FARP1: variants seen among roughly 807,000 people sequenced by gnomAD.
The protein encoded by FARP1 is FERM, ARH/RhoGEF and pleckstrin domain protein 1.
In FARP1, 52 loss-of-function variants were observed where a neutral mutation model predicts 128.8. The ratio of observed to expected loss-of-function variants is 0.40; its 90% CI spans 0.32 to 0.51. FARP1 has a LOEUF of 0.51. Among genes scored for constraint, FARP1 ranks in the 20% least tolerant of loss-of-function variants. FARP1 has a pLI of 0.45. For missense variants in FARP1, 1,333 were observed against 1,367.9 expected, an observed-to-expected ratio of 0.97 and a Z score of 0.40; for synonymous variants, 580 against 551.8, an observed-to-expected ratio of 1.05 and a Z score of -0.72.
intron 2 of FARP1, among the ~76,000 whole-genome samples, chr13:98,277,857 T>C (rs1199344853): frequency 6.6e-6 from 1 of 152,216 alleles, no homozygotes; most frequent in Non-Finnish European, 1.5e-5. Context: ...AAATTCTGAT[T>C]CAATTGGTTG....
rs1479805705 is a variant in FARP1 at position 98,454,733 on chromosome 13, G to A, written c.*6416G>A. 6.6e-6 allele frequency: 1 copy of A among 152,232 alleles called. No individual in the cohort carries two copies. Among genetic ancestry groups the A allele is most frequent in the Non-Finnish European group, 1.5e-5 (1 of 68,066 alleles). 9.4% of individuals were successfully genotyped at this position (152,232 alleles called of 1,614,324 possible). A position where few individuals can be genotyped will look rare whatever the true frequency, so the allele number is the denominator to read the frequency against. ...GGAAGTCTAAGCCATGGCCACCGTG[G>A]TTTTGGCAGCCATCGGGGTGAACGC... On this transcript the variant is annotated 3_prime_UTR_variant, in exon 27 of 27. Transcript: ENST00000319562.
At chr13:98,342,649 G>C (rs151241469) in intron 2 of FARP1, among the ~76,000 whole-genome samples, 1 of 152,246 alleles carries the variant, frequency 6.6e-6, no homozygotes, top group Non-Finnish European at 1.5e-5. Flanking sequence ...GCAGTGAGCT[G>C]AGATCGCGCC....
intron 2 of FARP1, among the ~76,000 whole-genome samples, chr13:98,335,389 C>G (rs1887697264): frequency 6.6e-6 from 1 of 152,152 alleles, no homozygotes; most frequent in Non-Finnish European, 1.5e-5. Flanking sequence ...AGAGCTTGTG[C>G]AGAAAAACTT....
chr13:98,403,280 A>G (rs1890847103), intron 13 of FARP1: 2 of 152,366 alleles, frequency 1.3e-5, no homozygotes, highest in African/African-American at 2.4e-5. Flanking sequence ...CAAGGCTTGC[A>G]CTTTATACTT....
intron 2 of FARP1, among the ~76,000 whole-genome samples, chr13:98,229,565 G>A (rs574542654): frequency 7.9e-5 from 12 of 151,482 alleles, no homozygotes; most frequent in Admixed American, 1.3e-4. Context: ...CAGTGGTGCC[G>A]TCATGGCTCA....
chr13:98,334,594 T>C (rs1887662151), intron 2 of FARP1, among the ~76,000 whole-genome samples: 1 of 152,228 alleles, frequency 6.6e-6, no homozygotes, highest in African/African-American at 2.4e-5. Flanking sequence ...AGCCCTTTCA[T>C]GACTCATGTG....
intron 8 of FARP1, among the ~76,000 whole-genome samples, chr13:98,388,116 T>C (rs1366895339): frequency 6.6e-6 from 1 of 152,204 alleles, no homozygotes; most frequent in Non-Finnish European, 1.5e-5. Flanking sequence ...CTATTTATCT[T>C]TCTTTTCATC....
chr13:98,275,865 A>C (rs1884631707), intron 2 of FARP1, among the ~76,000 whole-genome samples: 1 of 152,214 alleles, frequency 6.6e-6, no homozygotes, highest in African/African-American at 2.4e-5. Flanking sequence ...GAGAATCATA[A>C]AATATTCTTT....
At chr13:98,153,297 A>AATATATAAAT (rs375607675) in intron 1 of FARP1, among the ~76,000 whole-genome samples, 1 of 115,000 alleles carries the variant, frequency 8.7e-6, no homozygotes, top group Non-Finnish European at 1.8e-5. Context: ...AATATATATA[A>AATATATAAAT]ATATATTTAT....
intron 24 of FARP1, among the ~76,000 whole-genome samples, chr13:98,443,486 A>C (rs1658453773): frequency 6.6e-6 from 1 of 152,172 alleles, no homozygotes; most frequent in Non-Finnish European, 1.5e-5. Context: ...TCCCTGCATG[A>C]CAGGACAAAG....
chr13:98,216,416 C>A (rs549399415), intron 2 of FARP1, among the ~76,000 whole-genome samples: 1 of 152,160 alleles, frequency 6.6e-6, no homozygotes, highest in African/African-American at 2.4e-5. Flanking sequence ...ACCCTGGAAA[C>A]GTCCTTTGAT....
intron 2 of FARP1, among the ~76,000 whole-genome samples, chr13:98,319,997 G>A (rs1409260776): frequency 6.6e-6 from 1 of 152,150 alleles, no homozygotes; most frequent in African/African-American, 2.4e-5. Flanking sequence ...ACATTATGGG[G>A]GTGTCTGAAA....
At position 98,455,170 on chromosome 13, in the gene FARP1, TA is replaced by T. The variant is rs1417346388; in HGVS notation, c.*6859del. The T allele has an allele frequency of 6.6e-6, 1 of 152,238 alleles. No homozygotes were observed. 9.4% of individuals were successfully genotyped at this position (152,238 alleles called of 1,614,324 possible). A position where few individuals can be genotyped will look rare whatever the true frequency, so the allele number is the denominator to read the frequency against. ...AAATAATACTTTGGATCTGGCAGGT[TA>T]AAAAATGTATTGTTGAAACTAATTT... On this transcript the variant is annotated 3_prime_UTR_variant, in exon 27 of 27. Coordinates refer to ENST00000319562, the MANE Select transcript of FARP1 (RefSeq NM_005766.4).
At chr13:98,239,864 A>G (rs1328891003) in intron 2 of FARP1, among the ~76,000 whole-genome samples, 3 of 152,208 alleles carry the variant, frequency 2.0e-5, no homozygotes, top group African/African-American at 7.2e-5. Flanking sequence ...ACTGTGCTAG[A>G]GGAGAGAGAA....
intron 12 of FARP1, 43 bp from the exon 13 acceptor site, chr13:98,395,184 C>T (rs368632173): frequency 6.4e-6 from 10 of 1,551,134 alleles, no homozygotes; most frequent in African/African-American, 4.1e-5. Flanking sequence ...TAACAGTCTC[C>T]CTCTTCTCTA....
intron 3 of FARP1, among the ~76,000 whole-genome samples, chr13:98,357,645 T>C (rs532161284): frequency 6.6e-6 from 1 of 152,318 alleles, no homozygotes; most frequent in South Asian, 2.1e-4. Context: ...ATATGGAATA[T>C]AGTTAGAATA....
In FARP1 at chr13:98,203,276, G is replaced by GTT. The variant is rs1489992334; in HGVS notation, c.-23-9942_-23-9941dup. ...TAATCACAAATCGTAACTTTGACCT[G>GTT]TTTCAGGTGTACAATTCAAAGGTTT... On this transcript the variant is annotated intron_variant, in intron 1 of 26. Transcript: ENST00000319562. Among the ~76,000 whole-genome samples, 14 of 152,282 alleles carry GTT rather than the reference G, an allele frequency of 9.2e-5. No individual in the cohort carries two copies. In the South Asian group the frequency reaches 2.7e-3, roughly 29 times the overall value.
In FARP1 at chr13:98,453,367, T is replaced by C; in HGVS notation, c.*5050T>C. 4 of 722,632 alleles carry C rather than the reference T, an allele frequency of 5.5e-6. No individual in the cohort carries two copies. The highest frequency in any genetic ancestry group is 9.0e-6 in the Non-Finnish European group (4 of 445,234). 44.8% of individuals were successfully genotyped at this position (722,632 alleles called of 1,614,324 possible). On this transcript the variant is annotated 3_prime_UTR_variant, in exon 27 of 27. Transcript: ENST00000319562. ...ATGTGTAAGTCTAATTTTAAAAGAA[T>C]GCATATAAAGACTGAGAAGATCATG...
At chr13:98,353,261 G>A (rs1888509802) in intron 3 of FARP1, among the ~76,000 whole-genome samples, 2 of 152,150 alleles carry the variant, frequency 1.3e-5, no homozygotes, top group Non-Finnish European at 2.9e-5. Context: ...TGTAGAGGGC[G>A]GGAGTTCAGT....
Sources: gnomAD v4.1 joint callset for allele counts (sites outside exome capture counted in the v4.1 genomes callset) on GRCh38, gnomAD v4.1.1 for gene constraint, MANE v1.5 for transcripts, NCBI Gene and HGNC (gene_info 2026-07-23, HGNC 2026-07-21) for gene names.